Variants in SLC16A1 observed in about 807,000 individuals in gnomAD.
SLC16A1 encodes monocarboxylate transporter 1.
SLC16A1 carries 11 observed loss-of-function variants against 32.2 expected under a neutral mutation model. The ratio of observed to expected loss-of-function variants is 0.34; its 90% CI spans 0.21 to 0.56. The LOEUF (loss-of-function observed/expected upper bound fraction) is 0.56, where lower values mean the gene tolerates loss of function less well. Ranked by LOEUF, SLC16A1 falls within the 20% of genes least tolerant of loss-of-function variation. SLC16A1 has a pLI of 0.87. For missense variants in SLC16A1, 435 were observed against 615.0 expected, an observed-to-expected ratio of 0.71 and a Z score of 3.10; for synonymous variants, 231 against 226.8, an observed-to-expected ratio of 1.02 and a Z score of -0.17.
intron 1 of SLC16A1, 118 bp from the exon 2 acceptor site, chr1:112,929,470 T>G (rs1307146729): frequency 1.5e-6 from 1 of 670,098 alleles, no homozygotes; most frequent in African/African-American, 1.8e-5. Flanking sequence ...TCCCAGCTAC[T>G]TGGGAGGTTG....
At chr1:112,950,183 G>T (rs147446366) in intron 1 of SLC16A1, among the ~76,000 whole-genome samples, 138 of 152,202 alleles carry the variant, frequency 9.1e-4, no homozygotes, top group Non-Finnish European at 1.6e-3. Context: ...CAGACCCCTC[G>T]AATTCAATAG....
chr1:112,944,474 A>G (rs1649624789), intron 1 of SLC16A1, among the ~76,000 whole-genome samples: 1 of 152,196 alleles, frequency 6.6e-6, no homozygotes. Flanking sequence ...ACAAAGTAGT[A>G]GTTTTAAAAC....
chr1:112,951,594 TA>T (rs1649899720), intron 1 of SLC16A1, among the ~76,000 whole-genome samples: 1 of 152,142 alleles, frequency 6.6e-6, no homozygotes, highest in Non-Finnish European at 1.5e-5. Flanking sequence ...AGGTATTCTC[TA>T]AAAGCTGTGG....
rs1292062453 is a variant in SLC16A1 at position 112,912,028 on chromosome 1, A to G, written c.*1863T>C. 1.3e-5 allele frequency: 2 copies of G among 152,244 alleles called. No individual in the cohort carries two copies. Among genetic ancestry groups the G allele is most frequent in the Non-Finnish European group, 2.9e-5 (2 of 68,042 alleles). 9.4% of individuals were successfully genotyped at this position (152,244 alleles called of 1,614,324 possible). Reference sequence around the variant, plus strand: ...GGCCAAGCCTGCCAATACTCTCAGCAGCAGTTTTCTCCTCTAACACTCTTC... The same window carrying G: ...GGCCAAGCCTGCCAATACTCTCAGCGGCAGTTTTCTCCTCTAACACTCTTC... On this transcript the variant is annotated 3_prime_UTR_variant, in exon 5 of 5. Transcript: ENST00000369626.
chr1:112,947,618 TTA>T (rs1649748459), intron 1 of SLC16A1, among the ~76,000 whole-genome samples: 1 of 152,230 alleles, frequency 6.6e-6, no homozygotes, highest in Non-Finnish European at 1.5e-5. Context: ...TTTTAAAGTT[TTA>T]GTCTCATTTT....
chr1:112,921,514 AT>A lies in SLC16A1; in HGVS notation c.361+475del, dbSNP rs371185993. Among the ~76,000 whole-genome samples, 293 of 152,346 alleles carry A rather than the reference AT, an allele frequency of 1.9e-3. 1 individual carries two copies. The highest frequency in any genetic ancestry group is 6.8e-3 in the Middle Eastern group (2 of 294). ...TGCATAGAAAAACACATGGAAGGAT[AT>A]ACATAGAAATGTTAATGATATTCTT... is the stretch of plus-strand genomic sequence containing the variant. On this transcript the variant is annotated intron_variant, in intron 3 of 4. Transcript: ENST00000369626.
chr1:112,936,981 C>T (rs940797480), intron 1 of SLC16A1, among the ~76,000 whole-genome samples: 2 of 152,158 alleles, frequency 1.3e-5, no homozygotes, highest in African/African-American at 4.8e-5. Flanking sequence ...AGCTATTTAA[C>T]AGGTCAGCTC....
Position 112,913,597 on chromosome 1 carries a change from A to C in SLC16A1, c.*294T>G. On this transcript the variant is annotated 3_prime_UTR_variant, in exon 5 of 5. Transcript: ENST00000369626. ...GTTAAGGCTCTCTAGAGTTCTAAAG[A>C]CTAAAACTTAAGGCACATATTATAA... The C allele has an allele frequency of 5.0e-6, 2 of 400,092 alleles. No individual in the cohort carries two copies. The highest frequency in any genetic ancestry group is 5.8e-5 in the South Asian group (2 of 34,258). 24.8% of individuals were successfully genotyped at this position (400,092 alleles called of 1,614,324 possible). A position where few individuals can be genotyped will look rare whatever the true frequency, so the allele number is the denominator to read the frequency against.
intron 2 of SLC16A1, among the ~76,000 whole-genome samples, chr1:112,922,757 AGAGT>A (rs1226451168): frequency 6.6e-6 from 1 of 152,158 alleles, no homozygotes. Flanking sequence ...CCTGGGCAAT[AGAGT>A]GAGACTCTGT....
intron 1 of SLC16A1, among the ~76,000 whole-genome samples, chr1:112,944,432 A>T (rs1649622272): frequency 1.3e-5 from 2 of 152,204 alleles, no homozygotes; most frequent in Non-Finnish European, 2.9e-5. Flanking sequence ...CAACAGAGTG[A>T]ACCCGTCTCA....
At position 112,913,559 on chromosome 1, in the gene SLC16A1, A is replaced by G. The variant is rs41306207; in HGVS notation, c.*332T>C. 3,036 of 255,522 alleles carry G rather than the reference A, an allele frequency of 0.012. 25 individuals carry two copies. The highest frequency in any genetic ancestry group is 0.015 in the Non-Finnish European group (1,966 of 132,180). 15.8% of individuals were successfully genotyped at this position (255,522 alleles called of 1,614,324 possible). On this transcript the variant is annotated 3_prime_UTR_variant, in exon 5 of 5. Coordinates refer to ENST00000369626, the MANE Select transcript of SLC16A1 (RefSeq NM_003051.4). The stretch of plus-strand genomic sequence containing the variant: ...ACTCGAAATAGATGAATTCAGCAAA[A>G]ATGGTTTAAGAAGTTAAGGCTCTCT...
intron 3 of SLC16A1, among the ~76,000 whole-genome samples, chr1:112,919,014 T>TATTTATTTATTTATTTATTTATTC (rs1648617808): frequency 6.7e-6 from 1 of 148,688 alleles, no homozygotes; most frequent in Non-Finnish European, 1.5e-5. Flanking sequence ...TAATTTATTT[T>TATTTATTTATTTATTTATTTATTC]ATTTATTTAT....
Position 112,946,056 on chromosome 1 carries a change from G to C in SLC16A1, c.-45+9979C>G, listed in dbSNP as rs1427794595. 1.2e-4 allele frequency among the ~76,000 whole-genome samples: 18 copies of C among 152,040 alleles called. 1 individual carries two copies. The highest frequency in any genetic ancestry group is 1.2e-3 in the Admixed American group (18 of 15,262). On this transcript the variant is annotated intron_variant, in intron 1 of 4. Transcript: ENST00000369626. ...TGCTACATTCTTTTTTCCTTTTATA[G>C]TATTTTCCACACTACTGTGGAAAAC...
intron 1 of SLC16A1, among the ~76,000 whole-genome samples, chr1:112,930,216 T>G (rs1050976031): frequency 6.6e-6 from 1 of 152,164 alleles, no homozygotes; most frequent in Non-Finnish European, 1.5e-5. Context: ...GCCTTAGTCT[T>G]GTGCAACTGA....
In SLC16A1 at chr1:112,913,840, T is replaced by C. The variant is rs1199883735; in HGVS notation, c.*51A>G. 6.2e-7 allele frequency: 1 copy of C among 1,608,070 alleles called. No individual in the cohort carries two copies. The highest frequency in any genetic ancestry group is 8.5e-7 in the Non-Finnish European group (1 of 1,174,756). On this transcript the variant is annotated 3_prime_UTR_variant, in exon 5 of 5. Coordinates refer to ENST00000369626, the MANE Select transcript of SLC16A1 (RefSeq NM_003051.4). ...TAGATTACAGGCCAGTAGAATATTT[T>C]CAGATATCCTGGGTCATGAACTGCT...
Position 112,917,046 on chromosome 1 carries a change from G to A in SLC16A1, c.1228+132C>T. The A allele has an allele frequency of 8.7e-7, 1 of 1,145,890 alleles. No individual in the cohort carries two copies. The highest frequency in any genetic ancestry group is 1.5e-5 in the African/African-American group (1 of 65,478). The allele number at this position is 1,145,890 out of a possible 1,614,324, so 71.0% of individuals were successfully genotyped here. A position where few individuals can be genotyped will look rare whatever the true frequency, so the allele number is the denominator to read the frequency against. On this transcript the variant is annotated intron_variant, in intron 4 of 4. Transcript: ENST00000369626. The surrounding 1 kb of genome is among the most constrained non-coding windows in gnomAD (Gnocchi z 4.1). ...TTATGCTGTGCCAAGCATTGTCCCA[G>A]CATCAAGGGTACATAAATGAGAAAG...
In SLC16A1 at chr1:112,917,630, G is replaced by A; in HGVS notation, c.776C>T (p.Thr259Ile). 1.2e-6 allele frequency: 2 copies of A among 1,614,234 alleles called. No individual in the cohort carries two copies. The highest frequency in any genetic ancestry group is 1.7e-6 in the Non-Finnish European group (2 of 1,180,048). ...GAGGTATAGCAAAAAGCCTCTGTGG[G>A]TGAATAGGGTTAAGTCCAGGAACTG... The part of the protein sequence containing the change: ...INQFLDLTLF[T>I]HRGFLLYLSG... The change falls in exon 4 of 5, where the codon ACC becomes ATC. Residue 259 changes from threonine (T) to isoleucine (I), a missense_variant. Around this residue, in one of 2 missense-constraint regions of SLC16A1, gnomAD observed 324 missense variants for 500.3 expected, o/e 0.65. Transcript: ENST00000369626. This position sits in a 1 kb window ranked among gnomAD's most constrained non-coding sequence, Gnocchi z 4.1.
Position 112,923,025 on chromosome 1 carries a change from C to G in SLC16A1, c.218-892G>C, listed in dbSNP as rs116757457. Among the ~76,000 whole-genome samples, 1,279 of 152,092 alleles carry G rather than the reference C, an allele frequency of 8.4e-3. 21 individuals carry two copies. Among genetic ancestry groups the G allele is most frequent in the African/African-American group, 0.028 (1,174 of 41,548 alleles). On this transcript the variant is annotated intron_variant, in intron 2 of 4. Transcript: ENST00000369626. ...TCCCGGGTTCATGCCATTCTCTTGCCTCAGCCTCCTGAAAGACAGGGTGGG... is the reference window on the plus strand; with the variant it reads ...TCCCGGGTTCATGCCATTCTCTTGCGTCAGCCTCCTGAAAGACAGGGTGGG...
intron 2 of SLC16A1, chr1:112,924,091 T>C (rs780355048): frequency 5.4e-6 from 7 of 1,307,376 alleles, no homozygotes; most frequent in Non-Finnish European, 7.8e-6. Flanking sequence ...ATTGCCCTGG[T>C]AGAGAAGGCC....
Sources: gnomAD v4.1 joint callset for allele counts (sites outside exome capture counted in the v4.1 genomes callset) on GRCh38, gnomAD v4.1.1 for gene constraint, gnomAD v4.1.1 regional missense constraint, Gnocchi (gnomAD v3.1) non-coding constraint, MANE v1.5 for transcripts, NCBI Gene and HGNC (gene_info 2026-07-23, HGNC 2026-07-21) for gene names.